The following SUGCT variants were observed in gnomAD, a reference collection of about 807,000 sequenced individuals.
SUGCT encodes succinyl-CoA:glutarate-CoA transferase, also known as succinyl-CoA:glutarate CoA-transferase.
In SUGCT, 41 loss-of-function variants were observed where a neutral mutation model predicts 55.0. The observed-to-expected ratio is 0.74, with a 90% confidence interval of 0.58 to 0.97. The LOEUF (loss-of-function observed/expected upper bound fraction) is 0.97. Ranked by LOEUF, SUGCT falls within the 50% of genes least tolerant of loss-of-function variation. The probability of loss-of-function intolerance (pLI) is 0.00; values close to 1 mark genes in which losing one functional copy is unlikely to be tolerated. For synonymous variants in SUGCT, 187 were observed against 200.4 expected, an observed-to-expected ratio of 0.93 and a Z score of 0.56; for missense variants, 568 against 547.8, an observed-to-expected ratio of 1.04 and a Z score of -0.37.
At chr7:40,936,826 T>TA in the SUGCT span, among the ~76,000 whole-genome samples, 1 of 152,074 alleles carries the variant, frequency 6.6e-6, no homozygotes, top group Admixed American at 6.6e-5. Context: ...AAGCTGTTTT[T>TA]AAGTTTTTCT....
At chr7:40,932,164 C>T in the SUGCT span, among the ~76,000 whole-genome samples, 1 of 152,126 alleles carries the variant, frequency 6.6e-6, no homozygotes, top group East Asian at 1.9e-4. Flanking sequence ...TTTATTTCTG[C>T]CTTCATTTCG....
chr7:40,189,487 GCTT>G (rs1562564219), intron 4 of SUGCT, 54 bp from the exon 5 acceptor site: 3 of 506,386 alleles, frequency 5.9e-6, no homozygotes, highest in Non-Finnish European at 9.0e-6. Flanking sequence ...TGGGGATTGG[GCTT>G]CTTGTGTTTT....
intron 12 of SUGCT, among the ~76,000 whole-genome samples, chr7:40,734,679 T>C (rs950290946): frequency 3.3e-5 from 5 of 152,152 alleles, no homozygotes; most frequent in Non-Finnish European, 5.9e-5. Flanking sequence ...TTTTGTCCAA[T>C]TGACTATTTT....
chr7:40,676,935 G>GTGTA (rs10680783), intron 12 of SUGCT, among the ~76,000 whole-genome samples: 1 of 141,862 alleles, frequency 7.0e-6, no homozygotes, highest in Non-Finnish European at 1.5e-5. Flanking sequence ...GTGTGTGTGT[G>GTGTA]GTGTATAAAG....
the SUGCT span, among the ~76,000 whole-genome samples, chr7:40,898,072 C>G: frequency 2.2e-4 from 33 of 152,134 alleles, no homozygotes; most frequent in African/African-American, 7.2e-4. Flanking sequence ...CTTGGGTCCA[C>G]GCTGTCTTTA....
At chr7:40,224,637 T>A (rs1788226134) in intron 6 of SUGCT, among the ~76,000 whole-genome samples, 1 of 152,180 alleles carries the variant, frequency 6.6e-6, no homozygotes, top group South Asian at 2.1e-4. Context: ...TCTGAAAACA[T>A]TTATTTTGAT....
chr7:40,861,741 G>A (rs1221233185), downstream of SUGCT, among the ~76,000 whole-genome samples: 2 of 152,194 alleles, frequency 1.3e-5, no homozygotes, highest in Non-Finnish European at 2.9e-5. Context: ...CTTCTCACAA[G>A]GTCTTGTGAC....
chr7:40,778,026 T>C (rs548005048), intron 13 of SUGCT, among the ~76,000 whole-genome samples: 1 of 152,256 alleles, frequency 6.6e-6, no homozygotes, highest in South Asian at 2.1e-4. Context: ...ACCTTTCCAC[T>C]CTAGTGGCCC....
intron 5 of SUGCT, 81 bp downstream of exon 5, chr7:40,189,675 A>C: frequency 1.4e-6 from 1 of 700,240 alleles, no homozygotes; most frequent in East Asian, 3.3e-5. Context: ...GTGTTTTAAA[A>C]CTCAATTTTA....
At chr7:40,514,202 G>A (rs538577818) in intron 12 of SUGCT, among the ~76,000 whole-genome samples, 3 of 151,874 alleles carry the variant, frequency 2.0e-5, no homozygotes, top group East Asian at 1.9e-4. Context: ...TTAAATTGAC[G>A]TTGATGTTTC....
Position 40,149,655 on chromosome 7 carries a change from C to T in SUGCT, c.100+14535C>T, listed in dbSNP as rs1346014704. 7.9e-5 allele frequency among the ~76,000 whole-genome samples: 12 copies of T among 152,232 alleles called. No individual in the cohort carries two copies. In the South Asian group the frequency reaches 1.0e-3, roughly 13 times the overall value. Reference sequence around the variant, plus strand: ...AAAATCGGCCGGGCATGGTAGCTCACGCCTGTAATCTCAGCACTTTGGGAG... The same window carrying T: ...AAAATCGGCCGGGCATGGTAGCTCATGCCTGTAATCTCAGCACTTTGGGAG... On this transcript the variant is annotated intron_variant, in intron 1 of 13. Coordinates refer to ENST00000335693, the MANE Select transcript of SUGCT (RefSeq NM_001193313.2).
chr7:40,269,307 T>C (rs1451267108), intron 7 of SUGCT, among the ~76,000 whole-genome samples: 4 of 151,906 alleles, frequency 2.6e-5, no homozygotes, highest in Non-Finnish European at 5.9e-5. Flanking sequence ...ACTTTTTTAA[T>C]TTTTTATTTT....
intron 12 of SUGCT, among the ~76,000 whole-genome samples, chr7:40,720,135 C>T (rs1050565405): frequency 6.6e-6 from 1 of 152,152 alleles, no homozygotes; most frequent in Non-Finnish European, 1.5e-5. Flanking sequence ...TTCTAGTCCC[C>T]CCACTGCCAG....
At chr7:41,009,710 T>C in the SUGCT span, among the ~76,000 whole-genome samples, 3 of 152,072 alleles carry the variant, frequency 2.0e-5, no homozygotes, top group African/African-American at 7.2e-5. Flanking sequence ...CTTCCTTCCA[T>C]CCACCCACCC....
chr7:40,475,988 G>T (rs1021645404), intron 11 of SUGCT, among the ~76,000 whole-genome samples: 2 of 152,080 alleles, frequency 1.3e-5, no homozygotes, highest in Admixed American at 6.6e-5. Flanking sequence ...GGTATAGCAG[G>T]GGGGTGGGAT....
At chr7:40,577,069 G>A (rs923757038) in intron 12 of SUGCT, among the ~76,000 whole-genome samples, 1 of 152,218 alleles carries the variant, frequency 6.6e-6, no homozygotes, top group Non-Finnish European at 1.5e-5. Context: ...CCCAGCAACT[G>A]TGTTTTAATA....
the SUGCT span, among the ~76,000 whole-genome samples, chr7:40,999,200 C>T: frequency 6.6e-6 from 1 of 151,940 alleles, no homozygotes; most frequent in Non-Finnish European, 1.5e-5. Context: ...GAAGGACAGG[C>T]TCTTCCATTA....
chr7:40,863,153 T>C (rs1217008716), downstream of SUGCT, among the ~76,000 whole-genome samples: 4 of 152,146 alleles, frequency 2.6e-5, no homozygotes, highest in Non-Finnish European at 4.4e-5. Context: ...GGAGAATCAC[T>C]TGAACCTCCT....
intron 13 of SUGCT, among the ~76,000 whole-genome samples, chr7:40,833,126 T>C (rs936466637): frequency 1.3e-5 from 2 of 152,062 alleles, no homozygotes; most frequent in African/African-American, 4.8e-5. Context: ...TGGAAAGGAA[T>C]CTGATCAGTA....
Sources: allele counts gnomAD v4.1 joint callset (sites outside exome capture counted in the v4.1 genomes callset), GRCh38; gene constraint gnomAD v4.1.1; transcripts MANE v1.5; gene names NCBI Gene and HGNC (gene_info 2026-07-23, HGNC 2026-07-21).